Variants in ST6GALNAC3 observed in about 807,000 individuals in gnomAD.
The protein encoded by ST6GALNAC3 is ST6 N-acetylgalactosaminide alpha-2,6-sialyltransferase 3, also known as alpha-N-acetylgalactosaminide alpha-2,6-sialyltransferase 3.
ST6GALNAC3 carries 25 observed loss-of-function variants against 32.7 expected under a neutral mutation model. That is an observed-to-expected ratio of 0.76 (90% CI 0.56 to 1.07). ST6GALNAC3 has a LOEUF of 1.07. Among genes scored for constraint, ST6GALNAC3 ranks in the 50% least tolerant of loss-of-function variants. The probability of loss-of-function intolerance (pLI) is 0.00; values close to 1 mark genes in which losing one functional copy is unlikely to be tolerated. For missense variants in ST6GALNAC3, 355 were observed against 382.4 expected (o/e 0.93, Z 0.60); for synonymous variants, 129 against 133.1 (o/e 0.97, Z 0.21).
chr1:76,359,292 A>G (rs896861411), intron 2 of ST6GALNAC3, among the ~76,000 whole-genome samples: 2 of 152,192 alleles, frequency 1.3e-5, no homozygotes, highest in African/African-American at 4.8e-5. Context: ...CAGGATGTGA[A>G]CTTATTTGGA....
intron 2 of ST6GALNAC3, among the ~76,000 whole-genome samples, chr1:76,349,593 A>C (rs1383593017): frequency 6.6e-6 from 1 of 152,144 alleles, no homozygotes; most frequent in East Asian, 1.9e-4. Flanking sequence ...AAAGATTTGG[A>C]GGGAAATGCG....
At chr1:76,459,102 G>C (rs184095951) in intron 3 of ST6GALNAC3, among the ~76,000 whole-genome samples, 1 of 152,220 alleles carries the variant, frequency 6.6e-6, no homozygotes, top group Admixed American at 6.5e-5. Context: ...ATCCTTAGCA[G>C]TTTATGTACC....
At position 76,353,315 on chromosome 1, in the gene ST6GALNAC3, A is replaced by G. The variant is rs969783180; in HGVS notation, c.213+39316A>G. Among the ~76,000 whole-genome samples, 3 of 152,140 alleles carry G rather than the reference A, an allele frequency of 2.0e-5. No individual in the cohort carries two copies. In the East Asian group the frequency reaches 5.8e-4, roughly 29 times the overall value. The stretch of plus-strand genomic sequence containing the variant: ...TGTGGCTGGCCATTCTTGTCTGAGC[A>G]GTCTCAGCTCAGTTGCCACCCCTTC... On this transcript the variant is annotated intron_variant, in intron 2 of 4. Coordinates refer to ENST00000328299, the MANE Select transcript of ST6GALNAC3 (RefSeq NM_152996.4).
chr1:76,159,406 A>T (rs1194173421), intron 1 of ST6GALNAC3, among the ~76,000 whole-genome samples: 1 of 151,980 alleles, frequency 6.6e-6, no homozygotes, highest in Non-Finnish European at 1.5e-5. Flanking sequence ...CTGGTCTCGA[A>T]CTCCTAGCCT....
intron 1 of ST6GALNAC3, among the ~76,000 whole-genome samples, chr1:76,124,292 G>T (rs1036376159): frequency 1.3e-5 from 2 of 152,024 alleles, no homozygotes; most frequent in East Asian, 3.9e-4. Context: ...GCTGAGTCCC[G>T]TTAGCATCCC....
chr1:76,081,334 T>C (rs1349925990), intron 1 of ST6GALNAC3, among the ~76,000 whole-genome samples: 1 of 151,990 alleles, frequency 6.6e-6, no homozygotes, highest in African/African-American at 2.4e-5. Context: ...CTCATAATGT[T>C]TTAAGAATGT....
intron 3 of ST6GALNAC3, among the ~76,000 whole-genome samples, chr1:76,498,815 G>T (rs975725110): frequency 2.0e-5 from 3 of 151,906 alleles, no homozygotes; most frequent in Non-Finnish European, 2.9e-5. Context: ...CACTTGGCTG[G>T]AAAGTGTCTG....
intron 1 of ST6GALNAC3, among the ~76,000 whole-genome samples, chr1:76,167,554 C>T (rs1450127027): frequency 6.6e-6 from 1 of 152,170 alleles, no homozygotes; most frequent in Non-Finnish European, 1.5e-5. Context: ...GGAATTGGTT[C>T]AGAAGGAATG....
intron 3 of ST6GALNAC3, among the ~76,000 whole-genome samples, chr1:76,562,959 G>A (rs1665333476): frequency 6.6e-6 from 1 of 152,080 alleles, no homozygotes; most frequent in Non-Finnish European, 1.5e-5. Flanking sequence ...GAAGGCATAG[G>A]AACCCCATTG....
chr1:76,313,773 GTTC>G (rs1013897715), intron 1 of ST6GALNAC3, 29 bp from the exon 2 acceptor site: 21 of 1,608,994 alleles, frequency 1.3e-5, no homozygotes, highest in East Asian at 2.2e-5. Context: ...AAAGTCATTC[GTTC>G]TTCTTTTTGT....
At chr1:76,306,668 G>GT (rs148373222) in intron 1 of ST6GALNAC3, among the ~76,000 whole-genome samples, 17 of 145,328 alleles carry the variant, frequency 1.2e-4, no homozygotes, top group Admixed American at 2.0e-4. Flanking sequence ...TCCCAAAGGA[G>GT]TTTTTTTTTT....
chr1:76,441,483 T>G (rs1390567311), intron 3 of ST6GALNAC3, among the ~76,000 whole-genome samples: 3 of 152,140 alleles, frequency 2.0e-5, no homozygotes, highest in Non-Finnish European at 4.4e-5. Context: ...TTTTCATTTT[T>G]AATTTTTATG....
At chr1:76,123,842 C>G (rs1159789502) in intron 1 of ST6GALNAC3, among the ~76,000 whole-genome samples, 1 of 150,244 alleles carries the variant, frequency 6.7e-6, no homozygotes, top group Non-Finnish European at 1.5e-5. Flanking sequence ...CTCCACCTCC[C>G]AGGTTCAAGC....
intron 3 of ST6GALNAC3, among the ~76,000 whole-genome samples, chr1:76,534,043 ATCTTTTT>A (rs1188051117): frequency 6.6e-6 from 1 of 151,820 alleles, no homozygotes; most frequent in Non-Finnish European, 1.5e-5. Context: ...CCAGTCCTAT[ATCTTTTT>A]TCTTTTTTTT....
At chr1:76,545,990 G>T (rs763541187) in intron 3 of ST6GALNAC3, among the ~76,000 whole-genome samples, 2 of 152,140 alleles carry the variant, frequency 1.3e-5, no homozygotes, top group Non-Finnish European at 2.9e-5. Context: ...AAAAACTGAG[G>T]TTGAACAATG....
chr1:76,180,277 T>G (rs1653096550), intron 1 of ST6GALNAC3, among the ~76,000 whole-genome samples: 1 of 152,208 alleles, frequency 6.6e-6, no homozygotes, highest in Non-Finnish European at 1.5e-5. Context: ...AGATTCAAGT[T>G]TTCTAATGTT....
intron 1 of ST6GALNAC3, among the ~76,000 whole-genome samples, chr1:76,088,612 A>G (rs191394353): frequency 4.6e-5 from 7 of 152,170 alleles, no homozygotes; most frequent in Non-Finnish European, 2.9e-5. Context: ...TCTCTCCTCA[A>G]TCACTCATCT....
rs568650691 is a variant in ST6GALNAC3, at chr1:76,116,654, G to C, written c.18+41770G>C. 4.6e-5 allele frequency among the ~76,000 whole-genome samples: 7 copies of C among 152,188 alleles called. 1 individual carries two copies. In the South Asian group the frequency reaches 1.0e-3, roughly 23 times the overall value. On this transcript the variant is annotated intron_variant, in intron 1 of 4. Coordinates refer to ENST00000328299, the MANE Select transcript of ST6GALNAC3 (RefSeq NM_152996.4). ...GAGTATTTAAAGTAAAATCTGGCTG[G>C]GTGCGGTGGCTCACACCTGTAATCC...
chr1:76,511,366 G>A (rs1281619416), intron 3 of ST6GALNAC3, among the ~76,000 whole-genome samples: 1 of 151,934 alleles, frequency 6.6e-6, no homozygotes, highest in African/African-American at 2.4e-5. Flanking sequence ...AGTGGATTCC[G>A]CCTCCTGGCA....
Sources: allele counts gnomAD v4.1 joint callset (sites outside exome capture counted in the v4.1 genomes callset), GRCh38; gene constraint gnomAD v4.1.1; transcripts MANE v1.5; gene names NCBI Gene and HGNC (gene_info 2026-07-23, HGNC 2026-07-21).